The following P4HA2 variants were observed in gnomAD, a reference collection of about 807,000 sequenced individuals.
P4HA2 encodes the protein prolyl 4-hydroxylase subunit alpha-2.
P4HA2 carries 46 observed loss-of-function variants against 76.9 expected under a neutral mutation model. That is an observed-to-expected ratio of 0.60 (90% CI 0.47 to 0.76). P4HA2 has a LOEUF of 0.76. P4HA2 is among the 30% of genes least tolerant of loss of function. The pLI, the probability that P4HA2 is intolerant of heterozygous loss-of-function variation, is 0.00. For synonymous variants in P4HA2, 243 were observed against 254.0 expected (o/e 0.96, Z 0.41); for missense variants, 583 against 669.4 (o/e 0.87, Z 1.42).
Position 132,204,086 on chromosome 5 carries a change from T to G in P4HA2, c.1147A>C (p.Lys383Gln), listed in dbSNP as rs1751866301. 1.9e-6 allele frequency: 3 copies of G among 1,613,326 alleles called. No homozygotes were observed. The highest frequency in any genetic ancestry group is 2.5e-6 in the Non-Finnish European group (3 of 1,179,356). ...GAACCCCTGCTCTTTGCTTACCTTT[T>G]GGAAACCCGGTAGCTGGCGACAGTG... ...VLTVASYRVS[K>Q]SSWLEEDDDP... is the part of the protein sequence containing the mutation. Residue 383 changes from lysine (K) to glutamine (Q), a missense_variant, in exon 9 of 15, where the codon AAA (lysine) becomes CAA (glutamine). By Grantham distance (53) the Lys-to-Gln change is moderately conservative. Transcript: ENST00000360568.
At chr5:132,218,497 G>A (rs780162027) in intron 2 of P4HA2, 48 bp downstream of exon 2, 46 of 1,277,396 alleles carry the variant, frequency 3.6e-5, no homozygotes, top group Non-Finnish European at 1.1e-5. Context: ...GACATCCGTG[G>A]CATGTGAGCC....
intron 8 of P4HA2, among the ~76,000 whole-genome samples, chr5:132,205,180 C>G (rs1290758140): frequency 6.6e-6 from 1 of 152,214 alleles, no homozygotes; most frequent in Non-Finnish European, 1.5e-5. Flanking sequence ...ACTTACCATC[C>G]TGTGGAAGCT....
chr5:132,224,148 C>T (rs1267085578), intron 1 of P4HA2, among the ~76,000 whole-genome samples: 1 of 152,230 alleles, frequency 6.6e-6, no homozygotes, highest in Non-Finnish European at 1.5e-5. Context: ...CATGACAGCA[C>T]TCACAAATAA....
At chr5:132,227,692 ACTCT>A (rs1265571713) in intron 1 of P4HA2, 94 bp downstream of exon 1, 1 of 152,372 alleles carries the variant, frequency 6.6e-6, no homozygotes, top group Non-Finnish European at 1.5e-5. Flanking sequence ...CCGGCCCCTA[ACTCT>A]CAGCCCCGCG....
intron 12 of P4HA2, among the ~76,000 whole-genome samples, chr5:132,196,331 C>A (rs1211009732): frequency 6.6e-6 from 1 of 152,208 alleles, no homozygotes; most frequent in African/African-American, 2.4e-5. Context: ...AAGGCCCTGT[C>A]AGTCTCACTA....
chr5:132,217,822 C>T lies in P4HA2; in HGVS notation c.109G>A (p.Glu37Lys). 1 of 1,612,416 alleles carries T rather than the reference C, an allele frequency of 6.2e-7. No individual in the cohort carries two copies. The highest frequency in any genetic ancestry group is 8.5e-7 in the Non-Finnish European group (1 of 1,178,572). Reference protein sequence around the residue: ...IGHMTDLIYAEKELVQSLKEY... With the variant: ...IGHMTDLIYAKKELVQSLKEY... The stretch of plus-strand genomic sequence containing the variant: ...TTCAGAGACTGCACCAGCTCTTTCT[C>T]TGCATAAATCAGGTCAGTCATGTGC... The change falls in exon 3 of 15, where the codon GAG becomes AAG. Residue 37 changes from glutamate to lysine, a missense_variant. Physicochemically the swap from Glu to Lys is moderately conservative, Grantham distance 56. Transcript: ENST00000360568.
rs1180999487 is a variant in P4HA2 at position 132,209,143 on chromosome 5, T to A, written c.898A>T (p.Lys300Ter). 6.2e-7 allele frequency: 1 copy of A among 1,612,130 alleles called. No homozygotes were observed. Among genetic ancestry groups the A allele is most frequent in the Admixed American group, 1.7e-5 (1 of 59,862 alleles). ...YESLCRGEGVKLTPRRQKRLF... is the reference protein window; with the variant it reads ...YESLCRGEGV ...AGCCCCCTCACACATCTCACCAGTTTGACACCCTCCCCACGACAGAGGCTC... is the reference window on the plus strand; with the variant it reads ...AGCCCCCTCACACATCTCACCAGTTAGACACCCTCCCCACGACAGAGGCTC... The change falls in exon 7 of 15, where the codon AAA becomes TAA. Residue 300 changes from lysine (K) to a stop codon, truncating the protein, a stop_gained. Coordinates refer to ENST00000360568, the MANE Select transcript of P4HA2 (RefSeq NM_001017974.2). LOFTEE classifies it high-confidence loss of function.
chr5:132,215,311 C>T (rs760568464), intron 4 of P4HA2, among the ~76,000 whole-genome samples: 1 of 152,258 alleles, frequency 6.6e-6, no homozygotes, highest in African/African-American at 2.4e-5. Context: ...TGGGCCTGCC[C>T]TATCTCCTTC....
chr5:132,210,937 C>T (rs910542886), intron 5 of P4HA2, among the ~76,000 whole-genome samples: 1 of 152,050 alleles, frequency 6.6e-6, no homozygotes, highest in Admixed American at 6.5e-5. Context: ...TAGGTGGCAA[C>T]CAAGCCATGG....
rs964330758 is a variant in P4HA2 at position 132,192,757 on chromosome 5, G to T, written c.*253C>A. On this transcript the variant is annotated 3_prime_UTR_variant, in exon 15 of 15. Coordinates refer to ENST00000360568, the MANE Select transcript of P4HA2 (RefSeq NM_001017974.2). ...AACACCTGAGGTACAAAGGCACCTT[G>T]CTAGGCGCTAGACAGCTAACTCTGC... The T allele has an allele frequency of 2.3e-6, 1 of 434,922 alleles. No homozygotes were observed. Among genetic ancestry groups the T allele is most frequent in the Admixed American group, 4.0e-5 (1 of 25,302 alleles). The allele number at this position is 434,922 out of a possible 1,614,324, so 26.9% of individuals were successfully genotyped here.
intron 10 of P4HA2, chr5:132,202,761 T>C (rs1356860871): frequency 6.6e-6 from 1 of 152,250 alleles, no homozygotes. Context: ...CAAAATCACC[T>C]CTGAATAAAG....
chr5:132,207,601 T>C lies in P4HA2; in HGVS notation c.1080+107A>G, dbSNP rs533338890. The C allele has an allele frequency of 4.7e-6, 4 of 858,916 alleles. No homozygotes were observed. In the South Asian group the frequency reaches 4.7e-5, roughly 10 times the overall value. The allele number at this position is 858,916 out of a possible 1,614,324, so 53.2% of individuals were successfully genotyped here. The stretch of plus-strand genomic sequence containing the variant: ...CCCCACGGTAGGCCCATGCTAGATA[T>C]GGATAAAGGGTGGCTAGATGGGCAA... On this transcript the variant is annotated intron_variant, in intron 8 of 14. Transcript: ENST00000360568.
intron 1 of P4HA2, chr5:132,227,326 CA>C: frequency 6.6e-6 from 1 of 152,446 alleles, no homozygotes; most frequent in East Asian, 1.9e-4. Context: ...CCTGCCCGGA[CA>C]AGACCTAGGA....
intron 1 of P4HA2, among the ~76,000 whole-genome samples, chr5:132,222,531 G>C (rs1429690205): frequency 6.6e-6 from 1 of 152,142 alleles, no homozygotes; most frequent in Non-Finnish European, 1.5e-5. Flanking sequence ...TAGCCAGCAT[G>C]GTTTATCAAA....
At chr5:132,206,953 T>C (rs935611707) in intron 8 of P4HA2, among the ~76,000 whole-genome samples, 1 of 152,202 alleles carries the variant, frequency 6.6e-6, no homozygotes, top group African/African-American at 2.4e-5. Flanking sequence ...TGCTTTTTCA[T>C]AGGTAAAACA....
intron 7 of P4HA2, among the ~76,000 whole-genome samples, chr5:132,208,919 T>TA (rs1366079249): frequency 6.6e-6 from 1 of 151,962 alleles, no homozygotes; most frequent in Non-Finnish European, 1.5e-5. Flanking sequence ...ACTGGTAACT[T>TA]AGAGGAGCAA....
rs543820655 is a variant in P4HA2 at position 132,216,006 on chromosome 5, C to CA, written c.331+1190dup. Reference sequence around the variant, plus strand: ...GAAACCCTGTCTCTACTAAAAATACCAAAAAAAAATTAGCTGGGCATGGTG... The same window carrying CA: ...GAAACCCTGTCTCTACTAAAAATACCAAAAAAAAAATTAGCTGGGCATGGTG... On this transcript the variant is annotated intron_variant, in intron 4 of 14. Coordinates refer to ENST00000360568, the MANE Select transcript of P4HA2 (RefSeq NM_001017974.2). 8.4e-4 allele frequency among the ~76,000 whole-genome samples: 122 copies of CA among 144,638 alleles called. 1 individual carries two copies. The highest frequency in any genetic ancestry group is 3.6e-3 in the South Asian group (16 of 4,492). 94.9% of individuals were successfully genotyped at this position (144,638 alleles called of 152,430 possible). A position where few individuals can be genotyped will look rare whatever the true frequency, so the allele number is the denominator to read the frequency against.
In P4HA2 at chr5:132,207,800, C is replaced by T. The variant is rs1257415753; in HGVS notation, c.988G>A (p.Glu330Lys). 6.2e-7 allele frequency: 1 copy of T among 1,613,198 alleles called. No individual in the cohort carries two copies. Among genetic ancestry groups the T allele is most frequent in the East Asian group, 2.2e-5 (1 of 44,852 alleles). The part of the protein sequence containing the change: ...PQLLIAPFKE[E>K]DEWDSPHIVR... Reference sequence around the variant, plus strand: ...ATGTGCGGGCTGTCCCACTCGTCCTCCTCTTTGAAGGGGGCAATGAGCAGC... The same window carrying T: ...ATGTGCGGGCTGTCCCACTCGTCCTTCTCTTTGAAGGGGGCAATGAGCAGC... The change falls in exon 8 of 15, where the codon GAG becomes AAG. Residue 330 changes from glutamate (E) to lysine (K), a missense_variant. Transcript: ENST00000360568.
chr5:132,203,494 A>G, intron 10 of P4HA2: 1 of 493,680 alleles, frequency 2.0e-6, no homozygotes, highest in African/African-American at 1.9e-5. Flanking sequence ...ACCTACCATA[A>G]CTACCCCTGA....
Sources: allele counts gnomAD v4.1 joint callset (sites outside exome capture counted in the v4.1 genomes callset), GRCh38; gene constraint gnomAD v4.1.1; transcripts MANE v1.5; gene names NCBI Gene and HGNC (gene_info 2026-07-23, HGNC 2026-07-21).